The following DIP2B variants were observed in gnomAD, a reference collection of about 807,000 sequenced individuals.
DIP2B encodes the protein disco-interacting protein 2 homolog B.
Under a neutral mutation model 198.0 loss-of-function variants are expected in DIP2B, and 76 were observed. The observed-to-expected ratio is 0.38, with a 90% CI of 0.32 to 0.46. DIP2B has a LOEUF of 0.46. Among genes scored for constraint, DIP2B ranks in the 20% least tolerant of loss-of-function variants. DIP2B has a pLI of 0.99. For synonymous variants in DIP2B, 701 were observed against 739.1 expected (o/e 0.95, Z 0.84); for missense variants, 1,559 against 1,978.4 (o/e 0.79, Z 4.02).
intron 1 of DIP2B, among the ~76,000 whole-genome samples, chr12:50,523,515 T>G (rs1419522975): frequency 2.6e-5 from 4 of 152,178 alleles, no homozygotes; most frequent in Admixed American, 2.6e-4. Context: ...GGAGTCCAAT[T>G]AGAACTCCAA....
intron 1 of DIP2B, among the ~76,000 whole-genome samples, chr12:50,614,741 T>G (rs1937662777): frequency 6.6e-6 from 1 of 152,174 alleles, no homozygotes; most frequent in South Asian, 2.1e-4. Flanking sequence ...GAACACAAGT[T>G]TATAAACCTA....
chr12:50,578,531 G>A (rs1168335137), intron 1 of DIP2B, among the ~76,000 whole-genome samples: 4 of 122,104 alleles, frequency 3.3e-5, no homozygotes, highest in African/African-American at 9.7e-5. Context: ...TTTTTGAGAC[G>A]GAGTCTCGCT....
At chr12:50,622,400 T>A (rs1440661728) in intron 1 of DIP2B, among the ~76,000 whole-genome samples, 1 of 152,238 alleles carries the variant, frequency 6.6e-6, no homozygotes, top group Non-Finnish European at 1.5e-5. Flanking sequence ...TAGTAAGTAG[T>A]CATGATTGAA....
In DIP2B at chr12:50,748,165, C is replaced by A. The variant is rs1360393197; in HGVS notation, c.*3326C>A. 6.6e-6 allele frequency: 1 copy of A among 152,608 alleles called. No homozygotes were observed. The highest frequency in any genetic ancestry group is 1.5e-5 in the Non-Finnish European group (1 of 68,034). 9.5% of individuals were successfully genotyped at this position (152,608 alleles called of 1,614,324 possible). On this transcript the variant is annotated 3_prime_UTR_variant, in exon 38 of 38. Coordinates refer to ENST00000301180, the MANE Select transcript of DIP2B (RefSeq NM_173602.3). The stretch of plus-strand genomic sequence containing the variant: ...CCAGGCATGGTGCTCTATATCTTGG[C>A]CAAATAAATTACTTTCCTTGAATAT...
chr12:50,559,456 T>G (rs1189564521), intron 1 of DIP2B, among the ~76,000 whole-genome samples: 1 of 152,008 alleles, frequency 6.6e-6, no homozygotes, highest in African/African-American at 2.4e-5. Context: ...AAAAATATTA[T>G]TAGGCTGGGC....
At chr12:50,518,907 A>C (rs1208526762) in intron 1 of DIP2B, among the ~76,000 whole-genome samples, 1 of 152,036 alleles carries the variant, frequency 6.6e-6, no homozygotes, top group Non-Finnish European at 1.5e-5. Flanking sequence ...TGCCTGGCTA[A>C]TTTTTTATTT....
chr12:50,710,129 A>G (rs1360954528), intron 22 of DIP2B, among the ~76,000 whole-genome samples: 2 of 151,990 alleles, frequency 1.3e-5, no homozygotes, highest in Non-Finnish European at 2.9e-5. Flanking sequence ...TTCTACATCC[A>G]CTGTAATATA....
chr12:50,606,100 G>A (rs912916228), intron 1 of DIP2B, among the ~76,000 whole-genome samples: 2 of 151,730 alleles, frequency 1.3e-5, no homozygotes, highest in Non-Finnish European at 2.9e-5. Flanking sequence ...TAGGATTACA[G>A]GCATGAGCCA....
At chr12:50,646,631 A>G (rs1938355963) in intron 3 of DIP2B, among the ~76,000 whole-genome samples, 1 of 152,108 alleles carries the variant, frequency 6.6e-6, no homozygotes, top group Non-Finnish European at 1.5e-5. Context: ...TGTGTTGGCC[A>G]GGCTGGCCTC....
chr12:50,588,022 A>T (rs1218369661), intron 1 of DIP2B, among the ~76,000 whole-genome samples: 6 of 152,236 alleles, frequency 3.9e-5, no homozygotes, highest in African/African-American at 1.4e-4. Flanking sequence ...ATACAATACC[A>T]ATGGGTGAAA....
Position 50,674,483 on chromosome 12 carries a change from C to G in DIP2B, c.650C>G (p.Ser217Cys). The G allele has an allele frequency of 1.9e-6, 3 of 1,614,214 alleles. No homozygotes were observed. Among genetic ancestry groups the G allele is most frequent in the Non-Finnish European group, 1.7e-6 (2 of 1,180,028 alleles). The change falls in exon 6 of 38, where the codon TCT (serine) becomes TGT (cysteine). Residue 217 changes from serine to cysteine, a missense_variant. Ser to Cys is a moderately radical substitution (Grantham distance 112, BLOSUM62 -1). Transcript: ENST00000301180. ...VFANTRIENF[S>C]APPDVTTTTS... Reference sequence around the variant, plus strand: ...TGTTTTCTCCTCTCAGAGAATTTCTCTGCTCCTCCTGATGTCACTACAACT... The same window carrying G: ...TGTTTTCTCCTCTCAGAGAATTTCTGTGCTCCTCCTGATGTCACTACAACT...
intron 3 of DIP2B, among the ~76,000 whole-genome samples, chr12:50,653,346 C>CTTTTTTT (rs34185073): frequency 1.3e-5 from 1 of 76,632 alleles, no homozygotes; most frequent in African/African-American, 5.6e-5. Context: ...TTTTTCTTTT[C>CTTTTTTT]TTTTTTTTTT....
At position 50,739,390 on chromosome 12, in the gene DIP2B, C is replaced by G; in HGVS notation, c.4177-19C>G. ...TTGTGTGTCCCCAGTGAGTTGTGAT[C>G]AAAGCACTTTTCTTGTAGATTTGGG... On this transcript the variant is annotated intron_variant, in intron 35 of 37. Coordinates refer to ENST00000301180, the MANE Select transcript of DIP2B (RefSeq NM_173602.3). The G allele has an allele frequency of 1.3e-6, 2 of 1,597,900 alleles. No homozygotes were observed. The highest frequency in any genetic ancestry group is 2.7e-5 in the African/African-American group (2 of 74,802).
chr12:50,613,695 A>C (rs1003655908), intron 1 of DIP2B, among the ~76,000 whole-genome samples: 1 of 152,192 alleles, frequency 6.6e-6, no homozygotes, highest in East Asian at 1.9e-4. Flanking sequence ...TTCCACACCC[A>C]TAAAGCACTC....
chr12:50,620,139 C>T (rs1937782457), intron 1 of DIP2B, among the ~76,000 whole-genome samples: 1 of 152,218 alleles, frequency 6.6e-6, no homozygotes, highest in Non-Finnish European at 1.5e-5. Flanking sequence ...GACCCTTGAG[C>T]TCTTCACCAC....
intron 1 of DIP2B, among the ~76,000 whole-genome samples, chr12:50,536,326 C>T (rs1958267001): frequency 6.7e-6 from 1 of 148,490 alleles, no homozygotes; most frequent in Non-Finnish European, 1.5e-5. Context: ...TGCATGGTGG[C>T]GTGAGCCTGT....
chr12:50,729,109 G>A (rs1031095495), intron 30 of DIP2B, among the ~76,000 whole-genome samples: 1 of 152,186 alleles, frequency 6.6e-6, no homozygotes, highest in Non-Finnish European at 1.5e-5. Context: ...GCTCCTTGCA[G>A]AATACAGATC....
At chr12:50,532,184 C>T (rs1958224178) in intron 1 of DIP2B, among the ~76,000 whole-genome samples, 1 of 152,154 alleles carries the variant, frequency 6.6e-6, no homozygotes, top group African/African-American at 2.4e-5. Context: ...TGAGGGAGTT[C>T]TTGCCTAGTG....
intron 25 of DIP2B, among the ~76,000 whole-genome samples, chr12:50,720,702 A>G (rs1939820123): frequency 6.6e-6 from 1 of 152,240 alleles, no homozygotes; most frequent in Non-Finnish European, 1.5e-5. Flanking sequence ...GGATGGCTTG[A>G]ACCCAGGAGT....
Sources: gnomAD v4.1 joint callset for allele counts (sites outside exome capture counted in the v4.1 genomes callset) on GRCh38, gnomAD v4.1.1 for gene constraint, MANE v1.5 for transcripts, NCBI Gene and HGNC (gene_info 2026-07-23, HGNC 2026-07-21) for gene names.